XRCC4: variants seen among roughly 807,000 people sequenced by gnomAD.
XRCC4 encodes DNA repair protein XRCC4.
A neutral mutation model predicts 39.1 loss-of-function variants in XRCC4; 28 were observed. That is an observed-to-expected ratio of 0.72 (90% CI 0.53 to 0.98). The LOEUF is 0.98. Ranked by LOEUF, XRCC4 falls within the 50% of genes least tolerant of loss-of-function variation. The pLI, the probability that XRCC4 is intolerant of heterozygous loss-of-function variation, is 0.00. For synonymous variants in XRCC4, 123 were observed against 126.4 expected (o/e 0.97, Z 0.18); for missense variants, 350 against 376.4 (o/e 0.93, Z 0.58).
intron 6 of XRCC4, among the ~76,000 whole-genome samples, chr5:83,235,334 C>CAAA (rs57372204): frequency 0.044 from 2,606 of 58,622 alleles, 132 homozygotes; most frequent in African/African-American, 0.12. Flanking sequence ...GACCCTATCT[C>CAAA]AAAAAAAAAA....
At chr5:83,141,302 T>C (rs1250052650) in intron 3 of XRCC4, among the ~76,000 whole-genome samples, 1 of 152,210 alleles carries the variant, frequency 6.6e-6, no homozygotes, top group African/African-American at 2.4e-5. Flanking sequence ...TGAAGGTTTA[T>C]CTTTTCAGGT....
intron 3 of XRCC4, among the ~76,000 whole-genome samples, chr5:83,144,332 G>C (rs1296586842): frequency 6.8e-6 from 1 of 146,266 alleles, no homozygotes. Flanking sequence ...CATGTAGTCA[G>C]TATATACTGA....
chr5:83,148,997 A>G lies in XRCC4; in HGVS notation c.315+37794A>G, dbSNP rs17284288. ...GAGCTTATGCTATATTATTTTTGCA[A>G]CATTGTACAGTGAATAGCACTATCC... On this transcript the variant is annotated intron_variant, in intron 3 of 7. Coordinates refer to ENST00000396027, the MANE Select transcript of XRCC4 (RefSeq NM_003401.5). Among the ~76,000 whole-genome samples the G allele has an allele frequency of 3.7e-4, 57 of 152,090 alleles. No individual in the cohort carries two copies. In the South Asian group the frequency reaches 0.011, roughly 30 times the overall value.
intron 6 of XRCC4, among the ~76,000 whole-genome samples, chr5:83,222,462 T>C (rs1752121922): frequency 6.6e-6 from 1 of 152,200 alleles, no homozygotes; most frequent in Non-Finnish European, 1.5e-5. Flanking sequence ...TAGTCAGCAT[T>C]ATGTATATCT....
chr5:83,194,630 A>G (rs1020644507), intron 3 of XRCC4, among the ~76,000 whole-genome samples: 2 of 152,206 alleles, frequency 1.3e-5, no homozygotes, highest in Non-Finnish European at 2.9e-5. Flanking sequence ...ATAGAAATTC[A>G]CAATCTAGGA....
intron 7 of XRCC4, among the ~76,000 whole-genome samples, chr5:83,278,751 C>T (rs998012904): frequency 4.0e-5 from 6 of 151,634 alleles, no homozygotes; most frequent in Non-Finnish European, 7.4e-5. Flanking sequence ...TTTGGGAGGC[C>T]GAGGTGGGTG....
intron 3 of XRCC4, among the ~76,000 whole-genome samples, chr5:83,177,854 T>C (rs1166420488): frequency 6.6e-6 from 1 of 152,142 alleles, no homozygotes; most frequent in Non-Finnish European, 1.5e-5. Context: ...TAAGCCAGGA[T>C]TGACATAATC....
At chr5:83,105,789 GAAT>G (rs1338818868) in intron 2 of XRCC4, among the ~76,000 whole-genome samples, 1 of 151,966 alleles carries the variant, frequency 6.6e-6, no homozygotes, top group African/African-American at 2.4e-5. Flanking sequence ...GTTATGTTGT[GAAT>G]AATGTTTTCT....
At chr5:83,334,169 A>G (rs902255244) in intron 7 of XRCC4, among the ~76,000 whole-genome samples, 8 of 152,116 alleles carry the variant, frequency 5.3e-5, no homozygotes, top group Admixed American at 2.6e-4. Flanking sequence ...TAATCTTTCT[A>G]TAGGAAAAAT....
At position 83,353,158 on chromosome 5, in the gene XRCC4, T is replaced by G. The variant is rs1056503; in HGVS notation, c.921T>G (p.Ser307=). 260,422 of 1,609,882 alleles carry G rather than the reference T, an allele frequency of 0.16. 34,606 individuals carry two copies. The highest frequency in any genetic ancestry group is 0.7 in the East Asian group (31,317 of 44,596). The change falls in exon 8 of 8, where the codon TCT becomes TCG. Residue 307 remains serine (S), a synonymous_variant. Coordinates refer to ENST00000396027, the MANE Select transcript of XRCC4 (RefSeq NM_003401.5). ...EKPDSSLPET[S]KKEHISAENM... Reference sequence around the variant, plus strand: ...CTGATTCTTCACTACCTGAGACGTCTAAAAAGGAGCACATCTCAGCTGAAA... The same window carrying G: ...CTGATTCTTCACTACCTGAGACGTCGAAAAAGGAGCACATCTCAGCTGAAA...
chr5:83,177,153 T>C (rs1749996244), intron 3 of XRCC4, among the ~76,000 whole-genome samples: 2 of 152,208 alleles, frequency 1.3e-5, no homozygotes, highest in Admixed American at 1.3e-4. Flanking sequence ...TGCTGTTTTT[T>C]CTACATTACC....
At chr5:83,296,635 AG>A (rs1298439650) in intron 7 of XRCC4, among the ~76,000 whole-genome samples, 2 of 151,888 alleles carry the variant, frequency 1.3e-5, no homozygotes, top group Non-Finnish European at 2.9e-5. Context: ...AGATGGAAGG[AG>A]GTTGTGAAAG....
intron 7 of XRCC4, chr5:83,279,777 A>C (rs3777036): frequency 0.2 from 30,325 of 152,338 alleles, 6,864 homozygotes; most frequent in African/African-American, 0.56. Context: ...ATTCTATGTG[A>C]AAGTTTTCAA....
intron 1 of XRCC4, among the ~76,000 whole-genome samples, chr5:83,097,830 A>AT (rs1745750934): frequency 6.6e-6 from 1 of 152,158 alleles, no homozygotes; most frequent in African/African-American, 2.4e-5. Flanking sequence ...TTCCAAAATG[A>AT]TAAGTGTACT....
chr5:83,189,466 T>C (rs1399526544), intron 3 of XRCC4, among the ~76,000 whole-genome samples: 1 of 152,206 alleles, frequency 6.6e-6, no homozygotes, highest in Non-Finnish European at 1.5e-5. Flanking sequence ...CCCTAGATTA[T>C]TGCATTTTGA....
At chr5:83,172,437 A>T (rs1279103481) in intron 3 of XRCC4, among the ~76,000 whole-genome samples, 5 of 152,164 alleles carry the variant, frequency 3.3e-5, no homozygotes, top group African/African-American at 1.2e-4. Flanking sequence ...GATTAATAGA[A>T]TTTCCACTGT....
At chr5:83,172,415 T>C (rs1749771264) in intron 3 of XRCC4, among the ~76,000 whole-genome samples, 1 of 152,170 alleles carries the variant, frequency 6.6e-6, no homozygotes, top group South Asian at 2.1e-4. Context: ...TATTGGAAGA[T>C]TTAATGCAGA....
intron 7 of XRCC4, among the ~76,000 whole-genome samples, chr5:83,349,491 G>A (rs1271207044): frequency 3.9e-5 from 6 of 152,078 alleles, no homozygotes; most frequent in Non-Finnish European, 7.4e-5. Context: ...TCTCCATTCG[G>A]GACAACTTTT....
At chr5:83,233,902 C>CAAAAAAAAAAA in intron 6 of XRCC4, among the ~76,000 whole-genome samples, 1 of 78,026 alleles carries the variant, frequency 1.3e-5, no homozygotes, top group Non-Finnish European at 2.7e-5. Context: ...GACTTCATCT[C>CAAAAAAAAAAA]AAAAAAAAAA....
Sources: gnomAD v4.1 joint callset for allele counts (sites outside exome capture counted in the v4.1 genomes callset) on GRCh38, gnomAD v4.1.1 for gene constraint, MANE v1.5 for transcripts, NCBI Gene and HGNC (gene_info 2026-07-23, HGNC 2026-07-21) for gene names.